CREB1: variants seen among roughly 807,000 people sequenced by gnomAD.
CREB1 encodes cAMP responsive element binding protein 1, also known as cyclic AMP-responsive element-binding protein 1.
CREB1 carries 2 observed loss-of-function variants against 42.0 expected under a neutral mutation model. The observed-to-expected ratio is 0.05, with a 90% CI of 0.02 to 0.15. The LOEUF (loss-of-function observed/expected upper bound fraction) is 0.15, where lower values mean the gene tolerates loss of function less well. Among genes scored for constraint, CREB1 ranks in the 10% least tolerant of loss-of-function variants. CREB1 has a pLI of 1.00. For synonymous variants in CREB1, 123 were observed against 139.9 expected (o/e 0.88, Z 0.85); for missense variants, 199 against 388.9 (o/e 0.51, Z 4.11).
intron 4 of CREB1, among the ~76,000 whole-genome samples, chr2:207,568,540 G>A (rs767009330): frequency 3.9e-5 from 6 of 151,960 alleles, no homozygotes; most frequent in Non-Finnish European, 8.8e-5. Flanking sequence ...TTATAGTTTT[G>A]GTTTGTAACT....
rs1309982854 is a variant in CREB1 at position 207,603,894 on chromosome 2, C to A, written c.*6836C>A. 6.6e-6 allele frequency among the ~76,000 whole-genome samples: 1 copy of A among 152,178 alleles called. No individual in the cohort carries two copies. Among genetic ancestry groups the A allele is most frequent in the Non-Finnish European group, 1.5e-5 (1 of 68,034 alleles). ...ATACTATTAACTTCTGAAATAAGTT[C>A]TGAGACGAGACATCTGAAAATAAGC... On this transcript the variant is annotated 3_prime_UTR_variant, in exon 8 of 8. Coordinates refer to ENST00000353267, the MANE Select transcript of CREB1 (RefSeq NM_004379.5).
At chr2:207,578,792 CTT>C (rs56965769) in intron 7 of CREB1, among the ~76,000 whole-genome samples, 2 of 146,786 alleles carry the variant, frequency 1.4e-5, no homozygotes, top group Non-Finnish European at 3.0e-5. Context: ...AGCCAAGTGA[CTT>C]TTTTTTTTTC....
chr2:207,549,143 T>C (rs2081404574), intron 1 of CREB1, among the ~76,000 whole-genome samples: 1 of 152,234 alleles, frequency 6.6e-6, no homozygotes, highest in African/African-American at 2.4e-5. Context: ...TTTGTTACAG[T>C]GTGATCAGTC....
intron 7 of CREB1, among the ~76,000 whole-genome samples, chr2:207,592,747 C>T (rs1478440883): frequency 6.6e-6 from 1 of 151,844 alleles, no homozygotes; most frequent in East Asian, 1.9e-4. Flanking sequence ...GGTGAAACCC[C>T]GTCTCTACTA....
rs557826612 is a variant in CREB1, at chr2:207,562,219, A to G, written c.261+1847A>G. Among the ~76,000 whole-genome samples the G allele has an allele frequency of 2.0e-5, 3 of 152,276 alleles. No homozygotes were observed. The South Asian group carries it at 6.2e-4, about 32-fold the overall frequency. On this transcript the variant is annotated intron_variant, in intron 3 of 7. Coordinates refer to ENST00000353267, the MANE Select transcript of CREB1 (RefSeq NM_004379.5). ...GAAAACTTGATTTGCTAGTGAGGAG[A>G]CCTAGATTCCAGACCCAGTTTGGAC...
intron 1 of CREB1, among the ~76,000 whole-genome samples, chr2:207,549,578 A>G (rs757412492): frequency 3.9e-5 from 6 of 152,264 alleles, no homozygotes; most frequent in Non-Finnish European, 5.9e-5. Flanking sequence ...GTAAGAATGT[A>G]TCAGCAAGGC....
Position 207,599,452 on chromosome 2 carries a change from G to A in CREB1, c.*2394G>A, listed in dbSNP as rs2086687210. On this transcript the variant is annotated 3_prime_UTR_variant, in exon 8 of 8. Coordinates refer to ENST00000353267, the MANE Select transcript of CREB1 (RefSeq NM_004379.5). ...AAAGTTCAGGCTTTCTACTTACTGG[G>A]AAGTTGGTGGTCCTCTTAGTCCCTG... 5.0e-6 allele frequency: 1 copy of A among 198,058 alleles called. No homozygotes were observed. The highest frequency in any genetic ancestry group is 1.0e-5 in the Non-Finnish European group (1 of 95,820). The allele number at this position is 198,058 out of a possible 1,614,324, so 12.3% of individuals were successfully genotyped here.
At chr2:207,550,027 A>G (rs1451521232) in intron 1 of CREB1, among the ~76,000 whole-genome samples, 2 of 152,326 alleles carry the variant, frequency 1.3e-5, no homozygotes, top group African/African-American at 2.4e-5. Context: ...CAGTTACCCT[A>G]AAAACTAAAT....
intron 1 of CREB1, among the ~76,000 whole-genome samples, chr2:207,538,063 GT>G (rs769868871): frequency 6.6e-6 from 1 of 152,306 alleles, no homozygotes; most frequent in South Asian, 2.1e-4. Context: ...GCATGAAACA[GT>G]TTTGACTGTG....
At chr2:207,560,891 G>T (rs922904272) in intron 3 of CREB1, among the ~76,000 whole-genome samples, 1 of 152,076 alleles carries the variant, frequency 6.6e-6, no homozygotes, top group African/African-American at 2.4e-5. Flanking sequence ...TAAGGGTCAG[G>T]AATTATACTA....
chr2:207,554,746 A>G (rs2081647406), intron 1 of CREB1, among the ~76,000 whole-genome samples: 1 of 152,230 alleles, frequency 6.6e-6, no homozygotes, highest in Non-Finnish European at 1.5e-5. Flanking sequence ...TACAATTAAA[A>G]TATATAAATA....
chr2:207,553,356 A>T (rs1195836548), intron 1 of CREB1, among the ~76,000 whole-genome samples: 1 of 152,206 alleles, frequency 6.6e-6, no homozygotes, highest in Admixed American at 6.5e-5. Flanking sequence ...GGCGTGAGCC[A>T]TCGCGCCGGG....
intron 1 of CREB1, among the ~76,000 whole-genome samples, chr2:207,552,042 C>CA (rs71036931): frequency 0.014 from 993 of 69,800 alleles, 55 homozygotes; most frequent in African/African-American, 0.044. Context: ...AACTCCGTCT[C>CA]AAAAAAAAAA....
rs563722167 is a variant in CREB1 at position 207,567,139 on chromosome 2, T to C, written c.262-324T>C. Among the ~76,000 whole-genome samples, 9 of 152,264 alleles carry C rather than the reference T, an allele frequency of 5.9e-5. 1 individual carries two copies. The South Asian group carries it at 1.9e-3, about 32-fold the overall frequency. ...TTAGCCATCCATTTTATCCTTTATA[T>C]CAGAAACCTTATTTTAGTTGGTAGT... On this transcript the variant is annotated intron_variant, in intron 3 of 7. Transcript: ENST00000353267.
chr2:207,577,711 G>T (rs749808634), intron 7 of CREB1, 56 bp downstream of exon 7: 2 of 1,590,606 alleles, frequency 1.3e-6, no homozygotes, highest in Admixed American at 3.4e-5. Context: ...TTCACATTCT[G>T]CTGGATGTGT....
At chr2:207,576,599 G>A (rs753226813) in intron 6 of CREB1, 12 of 936,650 alleles carry the variant, frequency 1.3e-5, no homozygotes, top group Non-Finnish European at 1.6e-5. Flanking sequence ...GCTTATTGAT[G>A]AGAGTAAAAC....
Position 207,558,055 on chromosome 2 carries a change from ACTCTAATGAAG to A in CREB1, c.115-2168_115-2158del, listed in dbSNP as rs1443730682. Among the ~76,000 whole-genome samples, 61 of 152,316 alleles carry A rather than the reference ACTCTAATGAAG, an allele frequency of 4.0e-4. 2 individuals are homozygous for A. Among genetic ancestry groups the A allele is most frequent in the African/African-American group, 1.3e-3 (55 of 41,584 alleles). ...TTGACTTTACAGAGTATCCTGTGTG[ACTCTAATGAAG>A]CTATTCCATGGACCACATTTTGAGA... On this transcript the variant is annotated intron_variant, in intron 2 of 7. Transcript: ENST00000353267.
At chr2:207,555,772 C>G in intron 2 of CREB1, 23 bp downstream of exon 2, 2 of 1,463,212 alleles carry the variant, frequency 1.4e-6, no homozygotes, top group Non-Finnish European at 9.6e-7. Context: ...TGGAGAGATT[C>G]CAGTTTGTGT....
intron 3 of CREB1, among the ~76,000 whole-genome samples, chr2:207,563,300 TCTACGTATTTTAAAACCCTAGGAATAGAA>T (rs2082021234): frequency 6.6e-6 from 1 of 152,184 alleles, no homozygotes; most frequent in Non-Finnish European, 1.5e-5. Flanking sequence ...AAATGTCAAA[TCTACGTATTTTAAAACCCTAGGAATAGAA>T]CTTTGTAAAT....
Sources: gnomAD v4.1 joint callset for allele counts (sites outside exome capture counted in the v4.1 genomes callset) on GRCh38, gnomAD v4.1.1 for gene constraint, MANE v1.5 for transcripts, NCBI Gene and HGNC (gene_info 2026-07-23, HGNC 2026-07-21) for gene names.